Variants in LRMDA observed in about 807,000 individuals in gnomAD.
LRMDA encodes leucine-rich melanocyte differentiation-associated protein.
In LRMDA, 18 loss-of-function variants were observed where a neutral mutation model predicts 29.8. The observed-to-expected ratio is 0.60, with a 90% CI of 0.42 to 0.90. The LOEUF is 0.90. Among genes scored for constraint, LRMDA ranks in the 40% least tolerant of loss-of-function variants. The pLI, the probability that LRMDA is intolerant of heterozygous loss-of-function variation, is 0.00. For synonymous variants in LRMDA, 125 were observed against 109.4 expected, an observed-to-expected ratio of 1.14 and a Z score of -0.89; for missense variants, 273 against 273.9, an observed-to-expected ratio of 1.00 and a Z score of 0.02.
At chr10:75,859,523 A>G (rs1245897925) in intron 2 of LRMDA, among the ~76,000 whole-genome samples, 1 of 151,582 alleles carries the variant, frequency 6.6e-6, no homozygotes, top group East Asian at 1.9e-4. Flanking sequence ...GCCCATGTAT[A>G]TTATTGGTTC....
At chr10:75,913,423 T>G (rs1364443214) in intron 2 of LRMDA, among the ~76,000 whole-genome samples, 1 of 152,066 alleles carries the variant, frequency 6.6e-6, no homozygotes, top group Admixed American at 6.5e-5. Flanking sequence ...GCCACTGCAC[T>G]CCAGCCTGGA....
intron 5 of LRMDA, among the ~76,000 whole-genome samples, chr10:76,260,401 C>T (rs1332536163): frequency 3.3e-5 from 5 of 152,110 alleles, no homozygotes; most frequent in African/African-American, 4.8e-5. Context: ...TTAGTTTTAG[C>T]TTGTCTGAAA....
rs1400492065 is a variant in LRMDA at position 76,498,144 on chromosome 10, T to A, written c.602-59065T>A. Among the ~76,000 whole-genome samples, 4 of 75,636 alleles carry A rather than the reference T, an allele frequency of 5.3e-5. 1 individual carries two copies. Among genetic ancestry groups the A allele is most frequent in the African/African-American group, 1.3e-4 (4 of 31,108 alleles). The allele number at this position is 75,636 out of a possible 152,430, so 49.6% of individuals were successfully genotyped here. ...ATGGTCTTGCAAATTGGAACAGTTG[T>A]AAGTTTTGATTGTGACACTGCAGGG... On this transcript the variant is annotated intron_variant, in intron 6 of 6. Coordinates refer to ENST00000611255, the MANE Select transcript of LRMDA (RefSeq NM_001305581.2).
In LRMDA at chr10:76,501,149, C is replaced by T. The variant is rs1300971665; in HGVS notation, c.602-56060C>T. Among the ~76,000 whole-genome samples, 4 of 68,812 alleles carry T rather than the reference C, an allele frequency of 5.8e-5. 2 individuals carry two copies. The highest frequency in any genetic ancestry group is 2.9e-4 in the Admixed American group (2 of 6,988). 45.1% of individuals were successfully genotyped at this position (68,812 alleles called of 152,430 possible). On this transcript the variant is annotated intron_variant, in intron 6 of 6. Transcript: ENST00000611255. The stretch of plus-strand genomic sequence containing the variant: ...TGTGGTATTTGGTTTTCTGGTCCTG[C>T]ATTATTTTGTTTAGGATTAGCCTGC...
intron 6 of LRMDA, among the ~76,000 whole-genome samples, chr10:76,476,054 C>G (rs1031545891): frequency 6.6e-6 from 1 of 152,022 alleles, no homozygotes; most frequent in African/African-American, 2.4e-5. Context: ...AAGATCAGAG[C>G]AGAACTGAAG....
At chr10:76,544,111 A>G (rs957614812) in intron 6 of LRMDA, among the ~76,000 whole-genome samples, 3 of 152,192 alleles carry the variant, frequency 2.0e-5, no homozygotes, top group African/African-American at 4.8e-5. Flanking sequence ...AATGGCTTAT[A>G]ATGAGATTTT....
intron 5 of LRMDA, among the ~76,000 whole-genome samples, chr10:76,137,468 C>T (rs191614403): frequency 6.6e-6 from 1 of 152,146 alleles, no homozygotes; most frequent in African/African-American, 2.4e-5. Flanking sequence ...AGGAAAGGGC[C>T]TTGGGGAGGA....
chr10:76,234,249 T>G (rs1852110573), intron 5 of LRMDA, among the ~76,000 whole-genome samples: 1 of 152,192 alleles, frequency 6.6e-6, no homozygotes, highest in Admixed American at 6.5e-5. Flanking sequence ...AGCAGTAATA[T>G]TTTGAAAGAA....
intron 2 of LRMDA, among the ~76,000 whole-genome samples, chr10:75,787,253 A>G (rs1843486543): frequency 6.6e-6 from 1 of 152,078 alleles, no homozygotes; most frequent in Admixed American, 6.5e-5. Flanking sequence ...CTGCCTGGGC[A>G]GGGGGCTGAA....
chr10:75,663,788 T>G (rs1158979745), intron 2 of LRMDA, among the ~76,000 whole-genome samples: 1 of 152,168 alleles, frequency 6.6e-6, no homozygotes, highest in Admixed American at 6.5e-5. Context: ...TATGTAGATC[T>G]AACTCTGGGC....
chr10:76,486,649 G>A (rs1842785325), intron 6 of LRMDA, among the ~76,000 whole-genome samples: 1 of 151,858 alleles, frequency 6.6e-6, no homozygotes. Context: ...CCTTCTTTAG[G>A]TTCTTACTGG....
intron 6 of LRMDA, among the ~76,000 whole-genome samples, chr10:76,507,518 C>G (rs1842971011): frequency 6.6e-6 from 1 of 152,018 alleles, no homozygotes; most frequent in South Asian, 2.1e-4. Context: ...TACTATTTGT[C>G]TGTCTGTGTT....
intron 2 of LRMDA, among the ~76,000 whole-genome samples, chr10:75,702,682 A>G (rs1423665272): frequency 6.6e-6 from 1 of 152,240 alleles, no homozygotes; most frequent in Admixed American, 6.5e-5. Context: ...GATTATTTTT[A>G]TTGCCATATT....
chr10:75,828,659 A>G (rs1360432890), intron 2 of LRMDA, among the ~76,000 whole-genome samples: 1 of 152,194 alleles, frequency 6.6e-6, no homozygotes, highest in African/African-American at 2.4e-5. Flanking sequence ...CTCTACTCTT[A>G]TGACGCTGCA....
At chr10:75,755,041 GGT>G (rs1491211339) in intron 2 of LRMDA, among the ~76,000 whole-genome samples, 2 of 148,894 alleles carry the variant, frequency 1.3e-5, no homozygotes, top group African/African-American at 5.1e-5. Context: ...AAAGTTTTTT[GGT>G]TTTTTTTTTT....
intron 6 of LRMDA, among the ~76,000 whole-genome samples, chr10:76,326,201 A>T (rs1441401786): frequency 6.6e-6 from 1 of 152,212 alleles, no homozygotes; most frequent in Non-Finnish European, 1.5e-5. Context: ...AGACCGAAGA[A>T]GTTCATTAAA....
intron 2 of LRMDA, among the ~76,000 whole-genome samples, chr10:75,788,679 A>G (rs1300844683): frequency 2.0e-5 from 3 of 152,248 alleles, no homozygotes; most frequent in African/African-American, 7.2e-5. Context: ...TTTGTTAACC[A>G]TTTACGAGAC....
chr10:75,747,532 TG>T (rs1842903886), intron 2 of LRMDA, among the ~76,000 whole-genome samples: 1 of 152,220 alleles, frequency 6.6e-6, no homozygotes, highest in Non-Finnish European at 1.5e-5. Context: ...AAGAGATAAC[TG>T]GGATTACTTA....
intron 2 of LRMDA, among the ~76,000 whole-genome samples, chr10:75,742,354 C>T (rs189462457): frequency 5.9e-5 from 9 of 152,278 alleles, no homozygotes; most frequent in South Asian, 2.1e-4. Context: ...GGGCCTTGAA[C>T]AAGGCAGACA....
Sources: allele counts gnomAD v4.1 joint callset (sites outside exome capture counted in the v4.1 genomes callset), GRCh38; gene constraint gnomAD v4.1.1; transcripts MANE v1.5; gene names NCBI Gene and HGNC (gene_info 2026-07-23, HGNC 2026-07-21).